The following ADAMTSL1 variants were observed in gnomAD, a reference collection of about 807,000 sequenced individuals.
ADAMTSL1 encodes ADAMTS like 1.
ADAMTSL1 carries 126 observed loss-of-function variants against 201.8 expected under a neutral mutation model. The ratio of observed to expected loss-of-function variants is 0.62; its 90% CI spans 0.54 to 0.72. ADAMTSL1 has a LOEUF of 0.72. Ranked by LOEUF, ADAMTSL1 falls within the 30% of genes least tolerant of loss-of-function variation. ADAMTSL1 has a pLI of 0.00. For synonymous variants in ADAMTSL1, 1,121 were observed against 903.4 expected (o/e 1.24, Z -4.32); for missense variants, 2,679 against 2,277.8 (o/e 1.18, Z -3.59).
At chr9:18,608,570 A>T (rs1825175580) in intron 4 of ADAMTSL1, among the ~76,000 whole-genome samples, 1 of 152,136 alleles carries the variant, frequency 6.6e-6, no homozygotes, top group Non-Finnish European at 1.5e-5. Flanking sequence ...GAAACAGCTC[A>T]TTTTTCCATT....
chr9:18,100,812 T>G (rs1373032311), intron 1 of ADAMTSL1, among the ~76,000 whole-genome samples: 1 of 152,224 alleles, frequency 6.6e-6, no homozygotes, highest in Non-Finnish European at 1.5e-5. Flanking sequence ...CTAAACATTT[T>G]CAGTATCAGC....
chr9:18,253,892 T>C (rs1173844424), intron 2 of ADAMTSL1, among the ~76,000 whole-genome samples: 3 of 152,204 alleles, frequency 2.0e-5, no homozygotes, highest in Non-Finnish European at 4.4e-5. Context: ...GATAATGGCA[T>C]GCTTTTTGAT....
chr9:18,843,991 T>C (rs1825912564), intron 23 of ADAMTSL1, among the ~76,000 whole-genome samples: 1 of 152,238 alleles, frequency 6.6e-6, no homozygotes, highest in Non-Finnish European at 1.5e-5. Flanking sequence ...TTTCCTCCTG[T>C]AGCTCGGAGT....
chr9:18,884,966 T>G (rs1828761265), intron 23 of ADAMTSL1, among the ~76,000 whole-genome samples: 1 of 152,232 alleles, frequency 6.6e-6, no homozygotes, highest in African/African-American at 2.4e-5. Flanking sequence ...AATCTGTAGA[T>G]CACTATGAGT....
chr9:18,438,086 G>A (rs73417095), intron 2 of ADAMTSL1, among the ~76,000 whole-genome samples: 1 of 152,050 alleles, frequency 6.6e-6, no homozygotes, highest in Admixed American at 6.6e-5. Flanking sequence ...GTGGTATGCT[G>A]GGTTTTGTTT....
intron 26 of ADAMTSL1, among the ~76,000 whole-genome samples, chr9:18,903,281 A>G (rs904391497): frequency 6.6e-6 from 1 of 152,266 alleles, no homozygotes; most frequent in African/African-American, 2.4e-5. Flanking sequence ...TGTTCATAAA[A>G]TAAAGTGCTA....
chr9:17,987,298 G>C (rs1047607058), intron 1 of ADAMTSL1, among the ~76,000 whole-genome samples: 1 of 152,054 alleles, frequency 6.6e-6, no homozygotes, highest in Non-Finnish European at 1.5e-5. Context: ...TAAGCACCAC[G>C]TTGTAATTAC....
chr9:18,691,036 T>C, intron 13 of ADAMTSL1, among the ~76,000 whole-genome samples: 1 of 152,214 alleles, frequency 6.6e-6, no homozygotes, highest in Non-Finnish European at 1.5e-5. Context: ...GCAATAGGAT[T>C]GTGACCAAAG....
At chr9:18,234,600 A>C (rs962561980) in intron 2 of ADAMTSL1, among the ~76,000 whole-genome samples, 3 of 152,222 alleles carry the variant, frequency 2.0e-5, no homozygotes, top group Non-Finnish European at 4.4e-5. Context: ...GCCTGGCTTC[A>C]AAATTAATTC....
intron 23 of ADAMTSL1, among the ~76,000 whole-genome samples, chr9:18,853,146 G>A (rs1826607660): frequency 6.6e-6 from 1 of 152,176 alleles, no homozygotes; most frequent in Non-Finnish European, 1.5e-5. Flanking sequence ...ATGGGGAAAT[G>A]GGACCTAAAC....
chr9:18,876,329 T>TGTGTGTGTGTGTGTGTGTGTGC (rs901063156), intron 23 of ADAMTSL1, among the ~76,000 whole-genome samples: 16 of 151,128 alleles, frequency 1.1e-4, no homozygotes, highest in African/African-American at 3.4e-4. Flanking sequence ...TGTGTGTGTG[T>TGTGTGTGTGTGTGTGTGTGTGC]GCGTGATTGT....
At chr9:18,841,648 C>A (rs1204223803) in intron 23 of ADAMTSL1, among the ~76,000 whole-genome samples, 1 of 152,186 alleles carries the variant, frequency 6.6e-6, no homozygotes, top group East Asian at 1.9e-4. Context: ...TAGAATTCGG[C>A]TGTGAATCCA....
chr9:17,919,174 A>G (rs1334717971), intron 1 of ADAMTSL1, among the ~76,000 whole-genome samples: 2 of 151,934 alleles, frequency 1.3e-5, no homozygotes, highest in African/African-American at 4.8e-5. Context: ...CACATTAAAA[A>G]AATCAATGAT....
intron 19 of ADAMTSL1, among the ~76,000 whole-genome samples, chr9:18,791,814 C>T (rs1217444257): frequency 6.6e-6 from 1 of 152,112 alleles, no homozygotes; most frequent in Non-Finnish European, 1.5e-5. Flanking sequence ...TACATGTCAC[C>T]GTTTCCATTG....
intron 23 of ADAMTSL1, among the ~76,000 whole-genome samples, chr9:18,865,617 A>G (rs577277198): frequency 6.6e-6 from 1 of 152,348 alleles, no homozygotes; most frequent in East Asian, 1.9e-4. Flanking sequence ...TAAAAAATAG[A>G]TGAAACTAGG....
chr9:18,279,464 C>G (rs1245734378), intron 2 of ADAMTSL1, among the ~76,000 whole-genome samples: 2 of 150,586 alleles, frequency 1.3e-5, no homozygotes, highest in Non-Finnish European at 3.0e-5. Context: ...GGTCATGTTT[C>G]CCTGATTATC....
chr9:18,410,819 G>A (rs191806518), intron 2 of ADAMTSL1, among the ~76,000 whole-genome samples: 46 of 150,288 alleles, frequency 3.1e-4, no homozygotes, highest in Admixed American at 1.9e-3. Context: ...GTATTTAATC[G>A]ACTGGTAGAT....
chr9:18,344,445 G>A (rs1365682450), intron 2 of ADAMTSL1, among the ~76,000 whole-genome samples: 1 of 151,672 alleles, frequency 6.6e-6, no homozygotes, highest in African/African-American at 2.4e-5. Context: ...TTTTCATTAG[G>A]GGCACCTGGC....
intron 2 of ADAMTSL1, among the ~76,000 whole-genome samples, chr9:18,400,730 T>C (rs368443480): frequency 5.3e-5 from 8 of 152,336 alleles, no homozygotes; most frequent in African/African-American, 1.9e-4. Flanking sequence ...TTCTATACGT[T>C]GCAAACCTTG....
Sources: allele counts gnomAD v4.1 joint callset (sites outside exome capture counted in the v4.1 genomes callset), GRCh38; gene constraint gnomAD v4.1.1; transcripts MANE v1.5; gene names NCBI Gene and HGNC (gene_info 2026-07-23, HGNC 2026-07-21).